PDPR: variants seen among roughly 807,000 people sequenced by gnomAD.
PDPR encodes the protein pyruvate dehydrogenase phosphatase regulatory subunit, mitochondrial.
In PDPR, 50 loss-of-function variants were observed where a neutral mutation model predicts 102.2. The observed-to-expected ratio is 0.49, with a 90% CI of 0.39 to 0.62. The LOEUF is 0.62. PDPR is among the 20% of genes least tolerant of loss of function. The probability of loss-of-function intolerance (pLI) is 0.00; values close to 1 mark genes in which losing one functional copy is unlikely to be tolerated. For synonymous variants in PDPR, 259 were observed against 406.0 expected, an observed-to-expected ratio of 0.64 and a Z score of 4.35; for missense variants, 625 against 1,098.2, an observed-to-expected ratio of 0.57 and a Z score of 6.09.
At chr16:70,144,029 C>A (rs571852440) in intron 14 of PDPR, among the ~76,000 whole-genome samples, 139 of 152,234 alleles carry the variant, frequency 9.1e-4, no homozygotes, top group Non-Finnish European at 1.5e-3. Context: ...GTAGCTGGGA[C>A]CACAGGTACA....
intron 7 of PDPR, 40 bp from the exon 8 acceptor site, chr16:70,131,262 G>A: frequency 6.8e-7 from 1 of 1,475,028 alleles, no homozygotes; most frequent in Non-Finnish European, 9.3e-7. Flanking sequence ...TTTTATTTCT[G>A]TTCCTCTTCC....
In PDPR at chr16:70,160,883, C is replaced by T. The variant is rs1206645083; in HGVS notation, c.*4004C>T. 6.6e-6 allele frequency: 1 copy of T among 152,434 alleles called. No individual in the cohort carries two copies. The highest frequency in any genetic ancestry group is 2.4e-5 in the African/African-American group (1 of 41,468). 9.4% of individuals were successfully genotyped at this position (152,434 alleles called of 1,614,324 possible). On this transcript the variant is annotated 3_prime_UTR_variant, in exon 19 of 19. Coordinates refer to ENST00000288050, the MANE Select transcript of PDPR (RefSeq NM_017990.5). ...GCCTTCATTTCTGGCTCTGTGTCTC[C>T]TCTGGCATATGGACACATTTCCTGG...
At chr16:70,131,183 C>T (rs1964501565) in intron 7 of PDPR, 119 bp from the exon 8 acceptor site, 1 of 691,892 alleles carries the variant, frequency 1.4e-6, no homozygotes, top group Non-Finnish European at 2.6e-6. Context: ...TGACTTCCCA[C>T]ACCTGACACT....
intron 10 of PDPR, among the ~76,000 whole-genome samples, chr16:70,137,610 G>C (rs1007883386): frequency 4.6e-5 from 7 of 152,272 alleles, no homozygotes; most frequent in Admixed American, 1.3e-4. Context: ...CAGTGTGAAT[G>C]TACCCACTGC....
intron 17 of PDPR, among the ~76,000 whole-genome samples, chr16:70,149,980 C>T (rs556917297): frequency 7.9e-5 from 12 of 151,818 alleles, no homozygotes; most frequent in Admixed American, 4.6e-4. Context: ...TTCATAGAGA[C>T]GGGGTTTCAC....
At chr16:70,152,448 G>T (rs1300261023) in intron 17 of PDPR, among the ~76,000 whole-genome samples, 1 of 152,272 alleles carries the variant, frequency 6.6e-6, no homozygotes, top group African/African-American at 2.4e-5. Context: ...GAACCCGGGA[G>T]TGGAGATGGC....
At chr16:70,130,280 T>G in intron 6 of PDPR, 143 bp from the exon 7 acceptor site, 2 of 1,069,250 alleles carry the variant, frequency 1.9e-6, no homozygotes, top group African/African-American at 1.6e-5. Context: ...AAAGCAAGAC[T>G]CCATCTCAAA....
At chr16:70,145,652 A>G (rs1414595318) in intron 15 of PDPR, 6 of 456,426 alleles carry the variant, frequency 1.3e-5, no homozygotes, top group Admixed American at 7.3e-5. Context: ...TTACTGAACA[A>G]AAGTCATGTT....
chr16:70,148,231 T>C (rs1283862422), intron 16 of PDPR, among the ~76,000 whole-genome samples: 19 of 152,350 alleles, frequency 1.2e-4, no homozygotes, highest in Admixed American at 1.2e-3. Context: ...TCAGCTTGGC[T>C]AAAACTCCTG....
intron 17 of PDPR, among the ~76,000 whole-genome samples, chr16:70,151,219 C>T (rs1567559353): frequency 1.3e-5 from 2 of 152,272 alleles, no homozygotes; most frequent in Non-Finnish European, 1.5e-5. Context: ...CAGGCATGAG[C>T]CACCGCACCC....
At chr16:70,136,124 G>C (rs1480627107) in intron 9 of PDPR, 70 bp from the exon 10 acceptor site, 2 of 1,037,628 alleles carry the variant, frequency 1.9e-6, no homozygotes, top group African/African-American at 1.6e-5. Flanking sequence ...GTGTAAAAAA[G>C]TAGAGGGGTT....
chr16:70,128,836 C>T lies in PDPR; in HGVS notation c.414C>T (p.Ile138=), dbSNP rs549129041. ...TGGCCCAAACTCAGGACCGACTGAT[C>T]TCCCTGAAGCGCATCAACGCAGGGC... ...IFLAQTQDRL[I]SLKRINAGLN... The change falls in exon 5 of 19, where the codon ATC becomes ATT. Residue 138 remains isoleucine, a synonymous_variant. Coordinates refer to ENST00000288050, the MANE Select transcript of PDPR (RefSeq NM_017990.5). The T allele has an allele frequency of 6.2e-7, 1 of 1,613,480 alleles. No individual in the cohort carries two copies. Among genetic ancestry groups the T allele is most frequent in the African/African-American group, 1.3e-5 (1 of 75,076 alleles).
At chr16:70,135,093 G>C (rs1180573966) in intron 9 of PDPR, among the ~76,000 whole-genome samples, 10 of 142,738 alleles carry the variant, frequency 7.0e-5, no homozygotes, top group Non-Finnish European at 1.1e-4. Flanking sequence ...AGAGTAGTAT[G>C]ATGAGCCCCC....
intron 4 of PDPR, among the ~76,000 whole-genome samples, chr16:70,128,458 C>T (rs1161034752): frequency 6.6e-6 from 1 of 152,260 alleles, no homozygotes; most frequent in Non-Finnish European, 1.5e-5. Flanking sequence ...AAACTACTGA[C>T]CTCAGATGAT....
At chr16:70,135,504 C>T (rs7203566) in intron 9 of PDPR, among the ~76,000 whole-genome samples, 24,720 of 146,414 alleles carry the variant, frequency 0.17, 1,044 homozygotes, top group African/African-American at 0.36. Context: ...CCCAAAGTGC[C>T]GGGGTTACAA....
At chr16:70,126,787 A>G (rs1964021636) in intron 3 of PDPR, among the ~76,000 whole-genome samples, 1 of 152,378 alleles carries the variant, frequency 6.6e-6, no homozygotes, top group East Asian at 1.9e-4. Flanking sequence ...CAGCCTGTCA[A>G]AGTGCTGGGA....
At chr16:70,128,426 C>T (rs1260436322) in intron 4 of PDPR, among the ~76,000 whole-genome samples, 2 of 152,246 alleles carry the variant, frequency 1.3e-5, no homozygotes, top group Non-Finnish European at 2.9e-5. Flanking sequence ...CAGGGTTTCA[C>T]CATGCTGGCC....
intron 10 of PDPR, among the ~76,000 whole-genome samples, chr16:70,138,372 C>G (rs1965378593): frequency 6.6e-6 from 1 of 152,190 alleles, no homozygotes; most frequent in African/African-American, 2.4e-5. Flanking sequence ...GCGTGTGCCA[C>G]CACACTGGCT....
rs531494292 is a variant in PDPR at position 70,154,546 on chromosome 16, G to C, written c.2235+973G>C. Among the ~76,000 whole-genome samples, 4 of 152,392 alleles carry C rather than the reference G, an allele frequency of 2.6e-5. No individual in the cohort carries two copies. In the East Asian group the frequency reaches 7.7e-4, roughly 29 times the overall value. On this transcript the variant is annotated intron_variant, in intron 18 of 18. Transcript: ENST00000288050. ...TAAAAGACTGAGTGCTTTCTGGGAA[G>C]CTATTCTGAGTTAATTATGGTGATG...
Sources: allele counts gnomAD v4.1 joint callset (sites outside exome capture counted in the v4.1 genomes callset), GRCh38; gene constraint gnomAD v4.1.1; transcripts MANE v1.5; gene names NCBI Gene and HGNC (gene_info 2026-07-23, HGNC 2026-07-21).